Variants in GRIK1 observed in about 807,000 individuals in gnomAD.
GRIK1 encodes glutamate receptor ionotropic, kainate 1.
A neutral mutation model predicts 105.7 loss-of-function variants in GRIK1; 69 were observed. The ratio of observed to expected loss-of-function variants is 0.65; its 90% CI spans 0.54 to 0.80. The LOEUF is 0.80. Among genes scored for constraint, GRIK1 ranks in the 30% least tolerant of loss-of-function variants. The pLI, the probability that GRIK1 is intolerant of heterozygous loss-of-function variation, is 0.00. For missense variants in GRIK1, 1,109 were observed against 1,167.3 expected (o/e 0.95, Z 0.73); for synonymous variants, 438 against 431.3 (o/e 1.02, Z -0.19).
chr21:29,775,069 A>G (rs1271907868), intron 1 of GRIK1, among the ~76,000 whole-genome samples: 1 of 152,102 alleles, frequency 6.6e-6, no homozygotes, highest in Non-Finnish European at 1.5e-5. Flanking sequence ...CTGTAATCCC[A>G]GCACTCTGGG....
chr21:29,575,607 G>A (rs1488737228), intron 14 of GRIK1, among the ~76,000 whole-genome samples: 2 of 152,170 alleles, frequency 1.3e-5, no homozygotes, highest in Non-Finnish European at 2.9e-5. Context: ...GCTGAGGCAG[G>A]CAGATCACAA....
chr21:29,594,896 G>A (rs1052750466), intron 9 of GRIK1, among the ~76,000 whole-genome samples: 2 of 152,246 alleles, frequency 1.3e-5, no homozygotes, highest in African/African-American at 4.8e-5. Context: ...AGAATTTTGG[G>A]TGAATAATAC....
At chr21:29,558,161 A>G (rs1409551844) in intron 15 of GRIK1, among the ~76,000 whole-genome samples, 1 of 152,102 alleles carries the variant, frequency 6.6e-6, no homozygotes, top group African/African-American at 2.4e-5. Context: ...CAAAGTCTTC[A>G]ATTTTGTGTT....
Position 29,651,208 on chromosome 21 carries a change from A to T in GRIK1, c.864T>A (p.Pro288=). The change falls in exon 6 of 18, where the codon CCT becomes CCA. Residue 288 remains proline (P), a synonymous_variant. Coordinates refer to ENST00000327783, the MANE Select transcript of GRIK1 (RefSeq NM_001330994.2). ...ACTTCTCAATGATGGATGACACGTGAGGGTTGTCAATGTTAAGCAGCCGAA... is the reference window on the plus strand; with the variant it reads ...ACTTCTCAATGATGGATGACACGTGTGGGTTGTCAATGTTAAGCAGCCGAA... ...TGFRLLNIDN[P]HVSSIIEKWS... 1.2e-6 allele frequency: 2 copies of T among 1,613,402 alleles called. No individual in the cohort carries two copies. The highest frequency in any genetic ancestry group is 1.7e-6 in the Non-Finnish European group (2 of 1,179,298).
chr21:29,932,281 A>G (rs1411010026), intron 1 of GRIK1, among the ~76,000 whole-genome samples: 1 of 152,182 alleles, frequency 6.6e-6, no homozygotes, highest in African/African-American at 2.4e-5. Flanking sequence ...AGGTGTTTCT[A>G]TGAGATTAAT....
At chr21:29,914,982 T>A (rs559504326) in intron 1 of GRIK1, among the ~76,000 whole-genome samples, 1 of 152,210 alleles carries the variant, frequency 6.6e-6, no homozygotes, top group East Asian at 1.9e-4. Context: ...TATTTTTTAT[T>A]GTAAGAGAAT....
At chr21:29,608,475 C>T (rs900101348) in intron 7 of GRIK1, among the ~76,000 whole-genome samples, 2 of 152,220 alleles carry the variant, frequency 1.3e-5, no homozygotes, top group Non-Finnish European at 1.5e-5. Context: ...TTAATTGGTT[C>T]ATTAATAAGA....
chr21:29,905,785 C>A (rs1395684734), intron 1 of GRIK1, among the ~76,000 whole-genome samples: 1 of 150,738 alleles, frequency 6.6e-6, no homozygotes, highest in Non-Finnish European at 1.5e-5. Context: ...CGCCACTACG[C>A]CCGGCTAATT....
chr21:29,584,942 A>C (rs2091098481), intron 12 of GRIK1, among the ~76,000 whole-genome samples: 1 of 152,178 alleles, frequency 6.6e-6, no homozygotes, highest in South Asian at 2.1e-4. Flanking sequence ...AGAAGCAGGG[A>C]TGGATTCTAA....
chr21:29,561,962 G>A, intron 14 of GRIK1, 113 bp from the exon 15 acceptor site: 1 of 666,104 alleles, frequency 1.5e-6, no homozygotes, highest in Admixed American at 2.3e-5. Flanking sequence ...TTTCTCCACA[G>A]GTGGGGGAGT....
At position 29,838,050 on chromosome 21, in the gene GRIK1, A is replaced by G. The variant is rs543028860; in HGVS notation, c.118+101333T>C. On this transcript the variant is annotated intron_variant, in intron 1 of 17. Coordinates refer to ENST00000327783, the MANE Select transcript of GRIK1 (RefSeq NM_001330994.2). ...AAGTTAAAAGTGAAATTTTATCTATATGTTTCTAAATGATTTCAATAAAGG... is the reference window on the plus strand; with the variant it reads ...AAGTTAAAAGTGAAATTTTATCTATGTGTTTCTAAATGATTTCAATAAAGG... Among the ~76,000 whole-genome samples the G allele has an allele frequency of 5.9e-5, 9 of 152,338 alleles. No homozygotes were observed. In the South Asian group the frequency reaches 1.7e-3, roughly 28 times the overall value.
At chr21:29,833,169 A>T (rs1338545697) in intron 1 of GRIK1, among the ~76,000 whole-genome samples, 2 of 152,138 alleles carry the variant, frequency 1.3e-5, no homozygotes, top group Non-Finnish European at 2.9e-5. Context: ...TCCATCTAAG[A>T]CCTTTTCAGC....
chr21:29,630,500 G>A (rs1488366124), intron 7 of GRIK1: 1 of 471,412 alleles, frequency 2.1e-6, no homozygotes, highest in African/African-American at 2.0e-5. Flanking sequence ...AATAAAAAGG[G>A]ATTTAGAAAA....
intron 1 of GRIK1, among the ~76,000 whole-genome samples, chr21:29,803,112 A>G (rs895745065): frequency 2.0e-5 from 3 of 152,152 alleles, no homozygotes; most frequent in Admixed American, 6.6e-5. Context: ...TGATGAGTGG[A>G]TAACTATCCC....
In GRIK1 at chr21:29,858,771, TGAA is replaced by T. The variant is rs1446270984; in HGVS notation, c.118+80609_118+80611del. On this transcript the variant is annotated intron_variant, in intron 1 of 17. Transcript: ENST00000327783. ...CATTGGTGCAAAATCTCATTCTCCT[TGAA>T]GAAGATTTACTTCATAGAAAAGCCC... 2.0e-5 allele frequency among the ~76,000 whole-genome samples: 3 copies of T among 151,742 alleles called. No individual in the cohort carries two copies. The South Asian group carries it at 6.3e-4, about 32-fold the overall frequency.
intron 14 of GRIK1, among the ~76,000 whole-genome samples, chr21:29,564,131 T>C (rs1304485398): frequency 6.6e-6 from 1 of 152,208 alleles, no homozygotes; most frequent in African/African-American, 2.4e-5. Flanking sequence ...ACATTAAATT[T>C]TTTCACCACA....
chr21:29,598,766 T>C, intron 8 of GRIK1, 64 bp downstream of exon 8: 1 of 732,602 alleles, frequency 1.4e-6, no homozygotes, highest in Non-Finnish European at 2.3e-6. Context: ...GTCTTTGCAA[T>C]TTAGTAAAAA....
intron 7 of GRIK1, among the ~76,000 whole-genome samples, chr21:29,620,523 T>C (rs1208498982): frequency 6.6e-6 from 1 of 152,122 alleles, no homozygotes; most frequent in Non-Finnish European, 1.5e-5. Flanking sequence ...GGCAAAGCAC[T>C]TCGTTAGACT....
At chr21:29,926,479 G>T (rs934038974) in intron 1 of GRIK1, among the ~76,000 whole-genome samples, 7 of 152,168 alleles carry the variant, frequency 4.6e-5, no homozygotes, top group Non-Finnish European at 1.0e-4. Context: ...AGAAGGTTAA[G>T]AATTGTGGCT....
Sources: gnomAD v4.1 joint callset for allele counts (sites outside exome capture counted in the v4.1 genomes callset) on GRCh38, gnomAD v4.1.1 for gene constraint, MANE v1.5 for transcripts, NCBI Gene and HGNC (gene_info 2026-07-23, HGNC 2026-07-21) for gene names.